Variants in PMPCB observed in about 807,000 individuals in gnomAD.
PMPCB encodes the protein mitochondrial-processing peptidase subunit beta.
In PMPCB, 46 loss-of-function variants were observed where a neutral mutation model predicts 61.5. The observed-to-expected ratio is 0.75, with a 90% confidence interval of 0.59 to 0.96. The LOEUF (loss-of-function observed/expected upper bound fraction) is 0.96. Among genes scored for constraint, PMPCB ranks in the 40% least tolerant of loss-of-function variants. PMPCB has a pLI of 0.00. For missense variants in PMPCB, 590 were observed against 602.4 expected (o/e 0.98, Z 0.22); for synonymous variants, 191 against 201.6 (o/e 0.95, Z 0.44).
At chr7:103,320,085 T>C (rs1818297983) in intron 12 of PMPCB, among the ~76,000 whole-genome samples, 1 of 152,024 alleles carries the variant, frequency 6.6e-6, no homozygotes, top group Admixed American at 6.6e-5. Flanking sequence ...TCAGTGTAAA[T>C]GTTTTTAACT....
intron 9 of PMPCB, chr7:103,311,209 C>T (rs1817738800): frequency 6.3e-6 from 1 of 158,174 alleles, no homozygotes; most frequent in Non-Finnish European, 1.4e-5. Context: ...TTCCTTTCCT[C>T]CACTATTCTT....
At chr7:103,300,525 A>T (rs1817421200) in intron 4 of PMPCB, among the ~76,000 whole-genome samples, 1 of 152,224 alleles carries the variant, frequency 6.6e-6, no homozygotes, top group Non-Finnish European at 1.5e-5. Flanking sequence ...TAGCAATAAA[A>T]TAGAGATTAT....
At chr7:103,316,205 A>G (rs1818046014), downstream of PMPCB, 3 of 540,412 alleles carry the variant, frequency 5.6e-6, no homozygotes, top group Non-Finnish European at 9.1e-6. Flanking sequence ...ATGAGCTCAG[A>G]TTGGTGGTCT....
chr7:103,309,269 CTTT>C (rs758940461), intron 8 of PMPCB, 174 bp downstream of exon 8: 6 of 493,266 alleles, frequency 1.2e-5, no homozygotes, highest in Non-Finnish European at 1.6e-5. Flanking sequence ...GAAAAAGTTT[CTTT>C]TTTTCTTTGC....
rs1254497987 is a variant in PMPCB at position 103,312,785 on chromosome 7, G to A, written c.*514G>A. The A allele has an allele frequency of 6.6e-7, 1 of 1,508,172 alleles. No individual in the cohort carries two copies. Among genetic ancestry groups the A allele is most frequent in the Non-Finnish European group, 8.8e-7 (1 of 1,136,710 alleles). The allele number at this position is 1,508,172 out of a possible 1,614,324, so 93.4% of individuals were successfully genotyped here. On this transcript the variant is annotated 3_prime_UTR_variant, in exon 13 of 13. Coordinates refer to ENST00000249269, the MANE Select transcript of PMPCB (RefSeq NM_004279.3). ...TTCATTATCTGCCAGGGCCTAGAAA[G>A]TTTCTAAGGTTGCTCATTTCTTCCT...
the PMPCB span, chr7:103,342,045 AAC>A: frequency 9.9e-7 from 1 of 1,012,512 alleles, no homozygotes; most frequent in Non-Finnish European, 1.4e-6. Flanking sequence ...ATAAAATCAA[AAC>A]AGTGATACCA....
intron 12 of PMPCB, chr7:103,323,496 A>G (rs1373328970): frequency 5.0e-6 from 6 of 1,206,822 alleles, no homozygotes; most frequent in Admixed American, 7.5e-5. Context: ...AAGATGTACA[A>G]AGAGAAAATA....
chr7:103,312,550 G>A lies in PMPCB; in HGVS notation c.*279G>A. ...GTATTTTCAGTTTTATTATAAAAAT[G>A]CACACACAACAAAGATTGTCATTTC... On this transcript the variant is annotated 3_prime_UTR_variant, in exon 13 of 13. Transcript: ENST00000249269. The A allele has an allele frequency of 6.2e-7, 1 of 1,600,280 alleles. No homozygotes were observed. Among genetic ancestry groups the A allele is most frequent in the Non-Finnish European group, 8.5e-7 (1 of 1,176,098 alleles).
Position 103,313,720 on chromosome 7 carries a change from T to C in PMPCB, c.*1449T>C. ...GCTGAACACTTCCAATAACTGCTAT[T>C]GTGGTTCTTCAACTAAACCTTGTAT... On this transcript the variant is annotated 3_prime_UTR_variant, in exon 13 of 13. Coordinates refer to ENST00000249269, the MANE Select transcript of PMPCB (RefSeq NM_004279.3). 1 of 985,394 alleles carries C rather than the reference T, an allele frequency of 1.0e-6. No homozygotes were observed. Among genetic ancestry groups the C allele is most frequent in the Non-Finnish European group, 1.2e-6 (1 of 829,894 alleles). The allele number at this position is 985,394 out of a possible 1,614,324, so 61.0% of individuals were successfully genotyped here.
At chr7:103,297,638 A>G in intron 1 of PMPCB, 80 bp downstream of exon 1, 1 of 1,588,394 alleles carries the variant, frequency 6.3e-7, no homozygotes, top group Non-Finnish European at 8.6e-7. Context: ...GGCGCCACAG[A>G]TCCGAACAGT....
At position 103,312,876 on chromosome 7, in the gene PMPCB, A is replaced by G. The variant is rs1817831457; in HGVS notation, c.*605A>G. ...CTATATTATTAACCACTTAATAGAC[A>G]TAAAATATGAGCTATATCACCCAAG... On this transcript the variant is annotated 3_prime_UTR_variant, in exon 13 of 13. Coordinates refer to ENST00000249269, the MANE Select transcript of PMPCB (RefSeq NM_004279.3). The G allele has an allele frequency of 6.4e-7, 1 of 1,555,470 alleles. No individual in the cohort carries two copies. The highest frequency in any genetic ancestry group is 8.6e-7 in the Non-Finnish European group (1 of 1,157,352).
At position 103,298,711 on chromosome 7, in the gene PMPCB, A is replaced by C; in HGVS notation, c.240+3A>C. ...ACTCTGGGCTCTCAACATGCACAGT[A>C]AGTGACTCAGGCAACCTTCTCTAAG... On this transcript the variant is annotated splice_donor_region_variant and intron_variant, in intron 2 of 12. Coordinates refer to ENST00000249269, the MANE Select transcript of PMPCB (RefSeq NM_004279.3). 6.2e-7 allele frequency: 1 copy of C among 1,612,838 alleles called. No individual in the cohort carries two copies. The highest frequency in any genetic ancestry group is 2.2e-5 in the East Asian group (1 of 44,870).
At position 103,314,388 on chromosome 7, in the gene PMPCB, C is replaced by T. The variant is rs1455179621; in HGVS notation, c.*2117C>T. 3 of 985,262 alleles carry T rather than the reference C, an allele frequency of 3.0e-6. No homozygotes were observed. The highest frequency in any genetic ancestry group is 1.7e-5 in the African/African-American group (1 of 57,236). The allele number at this position is 985,262 out of a possible 1,614,324, so 61.0% of individuals were successfully genotyped here. A position where few individuals can be genotyped will look rare whatever the true frequency, so the allele number is the denominator to read the frequency against. Reference sequence around the variant, plus strand: ...TGAAGAGGAAGGAGCCTTCCCATTTCCATAAAAGAGGCAAAGGAGTCATAC... The same window carrying T: ...TGAAGAGGAAGGAGCCTTCCCATTTTCATAAAAGAGGCAAAGGAGTCATAC... On this transcript the variant is annotated 3_prime_UTR_variant, in exon 13 of 13. Transcript: ENST00000249269.
exon 13 of PMPCB, chr7:103,329,160 C>T: frequency 2.9e-6 from 1 of 339,658 alleles, no homozygotes; most frequent in Non-Finnish European, 5.6e-6. Context: ...CTCTGTGTGT[C>T]ACTTACAATT....
At chr7:103,332,150 A>G (rs1428378870), downstream of PMPCB, among the ~76,000 whole-genome samples, 10 of 151,752 alleles carry the variant, frequency 6.6e-5, no homozygotes, top group East Asian at 1.6e-3. Context: ...GACTACAGGC[A>G]CCCGCCACCA....
downstream of PMPCB, among the ~76,000 whole-genome samples, chr7:103,318,600 A>G (rs952409082): frequency 6.6e-6 from 1 of 152,146 alleles, no homozygotes; most frequent in African/African-American, 2.4e-5. Flanking sequence ...TTGTGGTGCA[A>G]CAGCATTAGG....
At chr7:103,318,127 CTGAT>C (rs1048230504), downstream of PMPCB, among the ~76,000 whole-genome samples, 6 of 152,208 alleles carry the variant, frequency 3.9e-5, no homozygotes, top group Non-Finnish European at 5.9e-5. Flanking sequence ...CTTTTCCTAA[CTGAT>C]TTTGTTTCCC....
the PMPCB span, chr7:103,344,617 C>A: frequency 1.9e-6 from 3 of 1,611,272 alleles, no homozygotes; most frequent in Non-Finnish European, 2.5e-6. Flanking sequence ...TTGGCAGAAG[C>A]AGCATGATGG....
chr7:103,322,395 C>T, intron 12 of PMPCB: 3 of 1,080,766 alleles, frequency 2.8e-6, no homozygotes, highest in Non-Finnish European at 3.9e-6. Context: ...TTCACAGTAG[C>T]ACCCAATTCT....
Sources: allele counts gnomAD v4.1 joint callset (sites outside exome capture counted in the v4.1 genomes callset), GRCh38; gene constraint gnomAD v4.1.1; transcripts MANE v1.5; gene names NCBI Gene and HGNC (gene_info 2026-07-23, HGNC 2026-07-21).